Variants in MKX observed in about 807,000 individuals in gnomAD.
The protein encoded by MKX is homeobox protein Mohawk.
MKX carries 13 observed loss-of-function variants against 36.0 expected under a neutral mutation model. That is an observed-to-expected ratio of 0.36 (90% CI 0.24 to 0.57). The LOEUF (loss-of-function observed/expected upper bound fraction) is 0.57, where lower values mean the gene tolerates loss of function less well. MKX is among the 20% of genes least tolerant of loss of function. MKX has a pLI of 0.79. For synonymous variants in MKX, 176 were observed against 178.3 expected, an observed-to-expected ratio of 0.99 and a Z score of 0.10; for missense variants, 458 against 456.4, an observed-to-expected ratio of 1.00 and a Z score of -0.03.
At chr10:27,715,504 T>C (rs1294090374) in intron 5 of MKX, among the ~76,000 whole-genome samples, 1 of 152,232 alleles carries the variant, frequency 6.6e-6, no homozygotes, top group Non-Finnish European at 1.5e-5. Flanking sequence ...TAGGATGGCC[T>C]GGAGAAGCCA....
intron 5 of MKX, among the ~76,000 whole-genome samples, chr10:27,712,325 A>G (rs1460171134): frequency 6.6e-6 from 1 of 152,158 alleles, no homozygotes; most frequent in Admixed American, 6.5e-5. Context: ...ACTACCATTT[A>G]ATGTCCCAAA....
intron 5 of MKX, among the ~76,000 whole-genome samples, chr10:27,708,455 G>A (rs149412361): frequency 6.6e-6 from 1 of 152,230 alleles, no homozygotes; most frequent in Non-Finnish European, 1.5e-5. Flanking sequence ...CTATAGGCCG[G>A]GCGCGGTTGC....
chr10:27,711,427 T>TTC (rs200251890), intron 5 of MKX, among the ~76,000 whole-genome samples: 1,799 of 128,140 alleles, frequency 0.014, 48 homozygotes, highest in African/African-American at 0.052. Flanking sequence ...TTTCTTTCTT[T>TTC]TCTCTTTCTT....
At chr10:27,685,549 C>T (rs1460707982) in intron 5 of MKX, among the ~76,000 whole-genome samples, 1 of 150,776 alleles carries the variant, frequency 6.6e-6, no homozygotes, top group Non-Finnish European at 1.5e-5. Flanking sequence ...CCCGGGTGCA[C>T]GCCATTCTCC....
At chr10:27,714,846 A>G (rs898800227) in intron 5 of MKX, among the ~76,000 whole-genome samples, 1 of 152,206 alleles carries the variant, frequency 6.6e-6, no homozygotes, top group Non-Finnish European at 1.5e-5. Context: ...TTTGGAATGT[A>G]TCTATTCTGA....
At position 27,675,497 on chromosome 10, in the gene MKX, G is replaced by A. The variant is rs373164715; in HGVS notation, c.872+24C>T. 52 of 1,613,992 alleles carry A rather than the reference G, an allele frequency of 3.2e-5. 1 individual carries two copies. Among genetic ancestry groups the A allele is most frequent in the South Asian group, 5.5e-5 (5 of 91,062 alleles). ...AATGCCATCGCTGAAAAGCAGGAAC[G>A]GCCAATGGGAACATTTTGCTCACCT... On this transcript the variant is annotated intron_variant, in intron 6 of 6. Coordinates refer to ENST00000419761, the MANE Select transcript of MKX (RefSeq NM_173576.3).
At position 27,675,191 on chromosome 10, in the gene MKX, G is replaced by C; in HGVS notation, c.*38C>G. The C allele has an allele frequency of 6.3e-7, 1 of 1,591,542 alleles. No homozygotes were observed. Among genetic ancestry groups the C allele is most frequent in the Non-Finnish European group, 8.6e-7 (1 of 1,166,520 alleles). ...TAGGATGAGGGTTGATGAAAACACC[G>C]GAAAGAACATCCATTGGATCTGAAA... On this transcript the variant is annotated 3_prime_UTR_variant, in exon 7 of 7. Transcript: ENST00000419761.
intron 3 of MKX, among the ~76,000 whole-genome samples, chr10:27,737,184 C>G (rs1320228045): frequency 6.6e-6 from 1 of 152,162 alleles, no homozygotes; most frequent in Non-Finnish European, 1.5e-5. Context: ...TTCTCAAACT[C>G]CCTTGGATTC....
At chr10:27,724,065 T>G (rs879452247) in intron 5 of MKX, among the ~76,000 whole-genome samples, 1 of 152,216 alleles carries the variant, frequency 6.6e-6, no homozygotes, top group Non-Finnish European at 1.5e-5. Context: ...AATTTTGTAT[T>G]ACTAAAATAT....
chr10:27,683,543 C>T (rs1378536590), intron 5 of MKX, among the ~76,000 whole-genome samples: 2 of 152,240 alleles, frequency 1.3e-5, no homozygotes, highest in Non-Finnish European at 2.9e-5. Context: ...GCCTAGTGCC[C>T]TTGCAGAGCA....
chr10:27,700,376 C>T (rs975586689), intron 5 of MKX, among the ~76,000 whole-genome samples: 1 of 152,142 alleles, frequency 6.6e-6, no homozygotes, highest in African/African-American at 2.4e-5. Context: ...CAGAACAGAA[C>T]ATGCATATAA....
rs151091526 is a variant in MKX at position 27,727,634 on chromosome 10, G to A, written c.838+6822C>T. 2.6e-5 allele frequency among the ~76,000 whole-genome samples: 4 copies of A among 152,216 alleles called. No homozygotes were observed. In the East Asian group the frequency reaches 7.7e-4, roughly 29 times the overall value. On this transcript the variant is annotated intron_variant, in intron 5 of 6. Coordinates refer to ENST00000419761, the MANE Select transcript of MKX (RefSeq NM_173576.3). ...ATAGCAATCCCATGCATATTCAAAGGGTCAGCATTTGTATAAATCTCATTT... is the reference window on the plus strand; with the variant it reads ...ATAGCAATCCCATGCATATTCAAAGAGTCAGCATTTGTATAAATCTCATTT...
Position 27,722,502 on chromosome 10 carries a change from G to GA in MKX, c.838+11953dup, listed in dbSNP as rs1333850784. Among the ~76,000 whole-genome samples, 3 of 152,322 alleles carry GA rather than the reference G, an allele frequency of 2.0e-5. No individual in the cohort carries two copies. In the East Asian group the frequency reaches 5.8e-4, roughly 29 times the overall value. ...ATCTTCGTTTTACAGCTAAAGGAACGAAAGCCATGATTAATAAAGGGACTT... is the reference window on the plus strand; with the variant it reads ...ATCTTCGTTTTACAGCTAAAGGAACGAAAAGCCATGATTAATAAAGGGACTT... On this transcript the variant is annotated intron_variant, in intron 5 of 6. Transcript: ENST00000419761.
At chr10:27,677,517 T>C (rs1836175856) in intron 5 of MKX, among the ~76,000 whole-genome samples, 1 of 152,114 alleles carries the variant, frequency 6.6e-6, no homozygotes, top group South Asian at 2.1e-4. Context: ...AAATAAATTA[T>C]ATGCCCATGA....
At chr10:27,720,271 CAA>C in intron 5 of MKX, among the ~76,000 whole-genome samples, 1 of 150,418 alleles carries the variant, frequency 6.6e-6, no homozygotes, top group South Asian at 2.1e-4. Flanking sequence ...CCAGCTCATT[CAA>C]TAAGCCTAAC....
chr10:27,706,825 T>G (rs1340846378), intron 5 of MKX, among the ~76,000 whole-genome samples: 1 of 152,216 alleles, frequency 6.6e-6, no homozygotes, highest in Non-Finnish European at 1.5e-5. Flanking sequence ...ATATTTATAC[T>G]TGCTCTTAAA....
intron 5 of MKX, among the ~76,000 whole-genome samples, chr10:27,712,102 G>C (rs1836884051): frequency 6.6e-6 from 1 of 152,078 alleles, no homozygotes; most frequent in South Asian, 2.1e-4. Context: ...TCCTGGCTTG[G>C]ATACAGCTCT....
intron 5 of MKX, among the ~76,000 whole-genome samples, chr10:27,732,003 T>C (rs1026414089): frequency 6.6e-6 from 1 of 151,426 alleles, no homozygotes; most frequent in Admixed American, 6.6e-5. Flanking sequence ...TTTTTTTTAT[T>C]TGCCTATGCA....
At chr10:27,734,434 A>G (rs370469899) in intron 5 of MKX, 22 bp downstream of exon 5, 87 of 1,601,210 alleles carry the variant, frequency 5.4e-5, no homozygotes, top group Non-Finnish European at 6.3e-5. Flanking sequence ...CGCAGGAATT[A>G]CTACAGAAAG....
Sources: gnomAD v4.1 joint callset for allele counts (sites outside exome capture counted in the v4.1 genomes callset) on GRCh38, gnomAD v4.1.1 for gene constraint, MANE v1.5 for transcripts, NCBI Gene and HGNC (gene_info 2026-07-23, HGNC 2026-07-21) for gene names.